Variants in C9orf85 observed in about 807,000 individuals in gnomAD.
The protein encoded by C9orf85 is chromosome 9 open reading frame 85, also known as uncharacterized protein C9orf85.
In C9orf85, 16 loss-of-function variants were observed where a neutral mutation model predicts 14.9. The observed-to-expected ratio is 1.08, with a 90% confidence interval of 0.73 to 1.63. C9orf85 has a LOEUF of 1.63. C9orf85 is among the 40% of genes most tolerant of loss of function. The probability of loss-of-function intolerance (pLI) is 0.00; values close to 1 mark genes in which losing one functional copy is unlikely to be tolerated. For synonymous variants in C9orf85, 45 were observed against 56.8 expected (o/e 0.79, Z 0.93); for missense variants, 172 against 186.1 (o/e 0.92, Z 0.44).
chr9:71,981,669 A>G (rs924759880), intron 3 of C9orf85, among the ~76,000 whole-genome samples: 1 of 152,192 alleles, frequency 6.6e-6, no homozygotes, highest in Non-Finnish European at 1.5e-5. Flanking sequence ...AAATTCAATT[A>G]AAATTATCAC....
intron 2 of C9orf85, among the ~76,000 whole-genome samples, chr9:71,952,343 TTTTATTTATTTA>T (rs58259402): frequency 2.0e-5 from 3 of 151,568 alleles, no homozygotes; most frequent in Non-Finnish European, 4.4e-5. Context: ...ACCACCTTGC[TTTTATTTATTTA>T]TTTATTTATT....
At chr9:71,970,238 G>A (rs1822823232) in intron 2 of C9orf85, among the ~76,000 whole-genome samples, 1 of 152,146 alleles carries the variant, frequency 6.6e-6, no homozygotes, top group Non-Finnish European at 1.5e-5. Context: ...GTGAGCCACG[G>A]CACCCGGCCA....
At chr9:71,971,790 G>A (rs1044148906) in intron 3 of C9orf85, among the ~76,000 whole-genome samples, 172 bp downstream of exon 3, 1 of 152,100 alleles carries the variant, frequency 6.6e-6, no homozygotes, top group African/African-American at 2.4e-5. Context: ...TGGCCAAGAT[G>A]GTGAAACCTC....
chr9:71,947,907 A>G (rs935021858), intron 2 of C9orf85, among the ~76,000 whole-genome samples: 1 of 152,124 alleles, frequency 6.6e-6, no homozygotes, highest in Non-Finnish European at 1.5e-5. Flanking sequence ...AGGCCTCCCA[A>G]AGTGCTGGGA....
At chr9:71,932,709 A>C (rs1268705297) in intron 1 of C9orf85, among the ~76,000 whole-genome samples, 1 of 152,208 alleles carries the variant, frequency 6.6e-6, no homozygotes, top group African/African-American at 2.4e-5. Flanking sequence ...TCGGTTTTCA[A>C]GAAAAAAATC....
intron 2 of C9orf85, among the ~76,000 whole-genome samples, chr9:71,948,608 G>A (rs1446545020): frequency 6.6e-6 from 1 of 152,026 alleles, no homozygotes; most frequent in Non-Finnish European, 1.5e-5. Flanking sequence ...TGCAACCTCC[G>A]CCTCCCAGGT....
chr9:71,952,757 T>C (rs888149373), intron 2 of C9orf85, among the ~76,000 whole-genome samples: 1 of 152,132 alleles, frequency 6.6e-6, no homozygotes, highest in African/African-American at 2.4e-5. Context: ...CCTAGAAACC[T>C]TTTTTGACTT....
At chr9:71,966,916 C>A (rs1172335520) in intron 2 of C9orf85, among the ~76,000 whole-genome samples, 1 of 152,234 alleles carries the variant, frequency 6.6e-6, no homozygotes, top group Non-Finnish European at 1.5e-5. Flanking sequence ...CTGTTTATAT[C>A]TGTTGTTTAC....
intron 2 of C9orf85, among the ~76,000 whole-genome samples, chr9:71,949,936 C>G (rs1332694127): frequency 6.6e-6 from 1 of 152,096 alleles, no homozygotes; most frequent in East Asian, 1.9e-4. Flanking sequence ...TCAGAGAGTC[C>G]TTCCTACATT....
chr9:71,979,737 T>C (rs1823061760), intron 3 of C9orf85, among the ~76,000 whole-genome samples: 1 of 152,154 alleles, frequency 6.6e-6, no homozygotes, highest in Admixed American at 6.6e-5. Context: ...ACTATAACTA[T>C]TGCTAATTAT....
chr9:71,971,715 T>C, intron 3 of C9orf85, 97 bp downstream of exon 3: 1 of 787,790 alleles, frequency 1.3e-6, no homozygotes, highest in Non-Finnish European at 2.1e-6. Flanking sequence ...GGCTCACGCC[T>C]GTAATCCCAG....
chr9:71,934,097 A>G (rs1290023672), intron 1 of C9orf85, among the ~76,000 whole-genome samples: 1 of 152,192 alleles, frequency 6.6e-6, no homozygotes, highest in African/African-American at 2.4e-5. Flanking sequence ...TAATCCCAGC[A>G]CTTTGAGGGG....
At chr9:71,954,979 G>A (rs976517714) in intron 2 of C9orf85, among the ~76,000 whole-genome samples, 7 of 152,104 alleles carry the variant, frequency 4.6e-5, no homozygotes, top group East Asian at 3.8e-4. Context: ...AAACCAAGAC[G>A]TTAAAGATAA....
intron 1 of C9orf85, among the ~76,000 whole-genome samples, chr9:71,918,932 C>G (rs1333347372): frequency 6.6e-6 from 1 of 152,034 alleles, no homozygotes; most frequent in African/African-American, 2.4e-5. Flanking sequence ...CCCCCACCCC[C>G]ACCCTAGTCC....
chr9:71,971,903 G>T (rs954278285), intron 3 of C9orf85, among the ~76,000 whole-genome samples: 1 of 151,184 alleles, frequency 6.6e-6, no homozygotes, highest in African/African-American at 2.4e-5. Flanking sequence ...GAACTTGGGG[G>T]GCAGAGGTTG....
At chr9:71,941,526 A>G (rs2132296275) in intron 1 of C9orf85, among the ~76,000 whole-genome samples, 1 of 152,380 alleles carries the variant, frequency 6.6e-6, no homozygotes, top group Admixed American at 6.5e-5. Context: ...CAGGAAATAA[A>G]GCAATGAGTT....
At chr9:71,937,148 A>G (rs939276542) in intron 1 of C9orf85, among the ~76,000 whole-genome samples, 7 of 152,192 alleles carry the variant, frequency 4.6e-5, no homozygotes, top group Admixed American at 4.6e-4. Context: ...TACAATGCCA[A>G]CCTATTTTAA....
intron 2 of C9orf85, among the ~76,000 whole-genome samples, chr9:71,947,595 A>G (rs1392577834): frequency 6.6e-6 from 1 of 151,922 alleles, no homozygotes; most frequent in Non-Finnish European, 1.5e-5. Context: ...AAATGAAAAG[A>G]TACTAGATTT....
chr9:71,968,358 T>C (rs1255851666), intron 2 of C9orf85, among the ~76,000 whole-genome samples: 1 of 151,946 alleles, frequency 6.6e-6, no homozygotes, highest in Non-Finnish European at 1.5e-5. Context: ...ATATGATCAG[T>C]ATTATTTCTT....
Sources: allele counts gnomAD v4.1 joint callset (sites outside exome capture counted in the v4.1 genomes callset), GRCh38; gene constraint gnomAD v4.1.1; transcripts MANE v1.5; gene names NCBI Gene and HGNC (gene_info 2026-07-23, HGNC 2026-07-21).